The following PLCL1 variants were observed in gnomAD, a reference collection of about 807,000 sequenced individuals.
The protein encoded by PLCL1 is inactive phospholipase C-like protein 1.
PLCL1 carries 41 observed loss-of-function variants against 84.4 expected under a neutral mutation model. The ratio of observed to expected loss-of-function variants is 0.49; its 90% CI spans 0.38 to 0.63. The LOEUF (loss-of-function observed/expected upper bound fraction) is 0.63. Among genes scored for constraint, PLCL1 ranks in the 30% least tolerant of loss-of-function variants. The pLI, the probability that PLCL1 is intolerant of heterozygous loss-of-function variation, is 0.00. For missense variants in PLCL1, 1,206 were observed against 1,367.8 expected (o/e 0.88, Z 1.87); for synonymous variants, 490 against 488.3 (o/e 1.00, Z -0.05).
At chr2:198,059,730 T>C (rs191036473) in intron 1 of PLCL1, among the ~76,000 whole-genome samples, 47 of 152,288 alleles carry the variant, frequency 3.1e-4, no homozygotes, top group Admixed American at 3.1e-3. Context: ...TATGTGTGGA[T>C]TTCTCAGGAA....
chr2:197,866,297 A>AT (rs1255774291), intron 1 of PLCL1, among the ~76,000 whole-genome samples: 1 of 150,484 alleles, frequency 6.6e-6, no homozygotes, highest in Non-Finnish European at 1.5e-5. Context: ...TATCTTGAAC[A>AT]TTTGCGTTGG....
At chr2:198,060,952 AT>A (rs1024779230) in intron 1 of PLCL1, among the ~76,000 whole-genome samples, 3 of 152,194 alleles carry the variant, frequency 2.0e-5, no homozygotes, top group African/African-American at 7.2e-5. Context: ...AGCTGAAAGT[AT>A]TTATTAACCC....
At chr2:197,924,026 A>G (rs1049564553) in intron 1 of PLCL1, among the ~76,000 whole-genome samples, 1 of 146,444 alleles carries the variant, frequency 6.8e-6, no homozygotes, top group Non-Finnish European at 1.5e-5. Context: ...GCGTGCCTGC[A>G]ATCGCAGGCA....
chr2:197,910,484 C>G (rs1305615277), intron 1 of PLCL1, among the ~76,000 whole-genome samples: 1 of 152,198 alleles, frequency 6.6e-6, no homozygotes, highest in East Asian at 1.9e-4. Context: ...TTTTCTTGCC[C>G]TTTCAGGTTT....
intron 1 of PLCL1, among the ~76,000 whole-genome samples, chr2:198,038,740 A>G (rs1691596988): frequency 1.3e-5 from 2 of 152,010 alleles, no homozygotes; most frequent in African/African-American, 4.8e-5. Flanking sequence ...CTGTGTTTGT[A>G]CAGAGGTCTG....
chr2:198,082,088 G>A (rs1692727725), intron 1 of PLCL1, among the ~76,000 whole-genome samples: 1 of 152,178 alleles, frequency 6.6e-6, no homozygotes, highest in Non-Finnish European at 1.5e-5. Context: ...GTTACTGGGT[G>A]TAAAAGGCAA....
chr2:198,016,668 C>T (rs923909417), intron 1 of PLCL1, among the ~76,000 whole-genome samples: 1 of 152,098 alleles, frequency 6.6e-6, no homozygotes, highest in Non-Finnish European at 1.5e-5. Flanking sequence ...ACAGGTAAGG[C>T]GTCTTCTACC....
Position 198,148,263 on chromosome 2 carries a change from C to G in PLCL1, c.*1301C>G, listed in dbSNP as rs796270395. ...TTAATTAATTTGATTAACAAATATG[C>G]TAATTTGGGGAAACCTAGAGAAGAT... On this transcript the variant is annotated 3_prime_UTR_variant, in exon 6 of 6. Coordinates refer to ENST00000428675, the MANE Select transcript of PLCL1 (RefSeq NM_006226.4). The G allele has an allele frequency of 9.9e-5, 15 of 152,220 alleles. No individual in the cohort carries two copies. The highest frequency in any genetic ancestry group is 3.6e-4 in the African/African-American group (15 of 41,478). The allele number at this position is 152,220 out of a possible 1,614,324, so 9.4% of individuals were successfully genotyped here.
At chr2:198,054,868 G>A (rs1324261848) in intron 1 of PLCL1, among the ~76,000 whole-genome samples, 1 of 152,104 alleles carries the variant, frequency 6.6e-6, no homozygotes, top group East Asian at 1.9e-4. Flanking sequence ...AATGTACTGG[G>A]GCATTATGGA....
At chr2:197,852,666 A>T (rs932636042) in intron 1 of PLCL1, among the ~76,000 whole-genome samples, 22 of 152,260 alleles carry the variant, frequency 1.4e-4, no homozygotes, top group African/African-American at 5.1e-4. Flanking sequence ...AATTAATGTT[A>T]TAATTCTAAG....
At position 197,805,108 on chromosome 2, in the gene PLCL1, G is replaced by GGGCGCGGCCGGCAGGGAGGATCC; in HGVS notation, c.15_37dup (p.Pro13ArgfsTer30). On this transcript the variant is annotated frameshift_variant, in exon 1 of 6. Transcript: ENST00000428675. LOFTEE classifies it high-confidence loss of function. The surrounding 1 kb of genome is among the most constrained non-coding windows in gnomAD (Gnocchi z 4.0). Reference sequence around the variant, plus strand: ...CCTAAACGCTCCAGGCCATGGCCGAGGGCGCGGCCGGCAGGGAGGATCCGG... The same window carrying GGGCGCGGCCGGCAGGGAGGATCC: ...CCTAAACGCTCCAGGCCATGGCCGAGGGCGCGGCCGGCAGGGAGGATCCGGCGCGGCCGGCAGGGAGGATCCGG... 7.5e-7 allele frequency: 1 copy of GGGCGCGGCCGGCAGGGAGGATCC among 1,335,672 alleles called. No homozygotes were observed. Among genetic ancestry groups the GGGCGCGGCCGGCAGGGAGGATCC allele is most frequent in the Non-Finnish European group, 9.5e-7 (1 of 1,048,118 alleles). The allele number at this position is 1,335,672 out of a possible 1,614,324, so 82.7% of individuals were successfully genotyped here.
Position 197,895,943 on chromosome 2 carries a change from G to T in PLCL1, c.240+90604G>T, listed in dbSNP as rs559737943. 4.0e-3 allele frequency among the ~76,000 whole-genome samples: 604 copies of T among 151,608 alleles called. 14 individuals carry two copies. In the South Asian group the frequency reaches 0.04, roughly 10 times the overall value. On this transcript the variant is annotated intron_variant, in intron 1 of 5. Coordinates refer to ENST00000428675, the MANE Select transcript of PLCL1 (RefSeq NM_006226.4). ...ATACTGTCATGTATAATGATGTGGGGTTTTTTTTGGTAATTGCTGTCCTCA... is the reference window on the plus strand; with the variant it reads ...ATACTGTCATGTATAATGATGTGGGTTTTTTTTTGGTAATTGCTGTCCTCA...
chr2:198,080,096 T>C lies in PLCL1; in HGVS notation c.241-3662T>C, dbSNP rs983840154. On this transcript the variant is annotated intron_variant, in intron 1 of 5. Transcript: ENST00000428675. ...AGTTTATAAAAATCTCCTGGAAAGA[T>C]GTTATGGTCATTGGAATCAGTTCAG... Among the ~76,000 whole-genome samples the C allele has an allele frequency of 2.6e-5, 4 of 152,230 alleles. No homozygotes were observed. The East Asian group carries it at 5.8e-4, about 22-fold the overall frequency.
chr2:197,969,680 AGAT>A (rs1689820517), intron 1 of PLCL1, among the ~76,000 whole-genome samples: 1 of 152,242 alleles, frequency 6.6e-6, no homozygotes, highest in South Asian at 2.1e-4. Context: ...TCTTCTGAGC[AGAT>A]GATAAGATTG....
chr2:197,898,019 C>T (rs1688188437), intron 1 of PLCL1, among the ~76,000 whole-genome samples: 2 of 152,182 alleles, frequency 1.3e-5, no homozygotes, highest in Admixed American at 6.5e-5. Context: ...GTTCCACAGG[C>T]TCACCATCTC....
At position 198,084,179 on chromosome 2, in the gene PLCL1, T is replaced by C; in HGVS notation, c.662T>C (p.Leu221Pro). The change falls in exon 2 of 6, where the codon CTG becomes CCG. Residue 221 changes from leucine to proline, a missense_variant. Coordinates refer to ENST00000428675, the MANE Select transcript of PLCL1 (RefSeq NM_006226.4). ...ANIWVSGLRY[L>P]VSRSKQPLDF... is the part of the protein sequence containing the mutation. Reference sequence around the variant, plus strand: ...ATCTGGGTGTCTGGGTTACGGTACCTGGTTTCTCGAAGTAAGCAGCCTCTT... The same window carrying C: ...ATCTGGGTGTCTGGGTTACGGTACCCGGTTTCTCGAAGTAAGCAGCCTCTT... 1 of 1,614,136 alleles carries C rather than the reference T, an allele frequency of 6.2e-7. No homozygotes were observed. Among genetic ancestry groups the C allele is most frequent in the Non-Finnish European group, 8.5e-7 (1 of 1,179,994 alleles).
At chr2:198,125,954 T>C (rs1037373319) in intron 5 of PLCL1, among the ~76,000 whole-genome samples, 1 of 152,182 alleles carries the variant, frequency 6.6e-6, no homozygotes, top group Admixed American at 6.5e-5. Flanking sequence ...ACACAACAGA[T>C]ACATGAAGTG....
chr2:198,057,689 T>C (rs1574279820), intron 1 of PLCL1, among the ~76,000 whole-genome samples: 1 of 152,212 alleles, frequency 6.6e-6, no homozygotes, highest in East Asian at 1.9e-4. Flanking sequence ...CTCTTTTCTA[T>C]CATACTACCA....
At chr2:198,021,887 T>C (rs1397491271) in intron 1 of PLCL1, among the ~76,000 whole-genome samples, 1 of 152,172 alleles carries the variant, frequency 6.6e-6, no homozygotes, top group Non-Finnish European at 1.5e-5. Flanking sequence ...CCTTCCTAAC[T>C]CATTTTATGA....
Sources: allele counts gnomAD v4.1 joint callset (sites outside exome capture counted in the v4.1 genomes callset), GRCh38; gene constraint gnomAD v4.1.1; non-coding constraint Gnocchi (gnomAD v3.1); transcripts MANE v1.5; gene names NCBI Gene and HGNC (gene_info 2026-07-23, HGNC 2026-07-21).